The following SGO2 variants were observed in gnomAD, a reference collection of about 807,000 sequenced individuals.
SGO2 encodes the protein shugoshin-like 2.
SGO2 carries 68 observed loss-of-function variants against 99.5 expected under a neutral mutation model. The ratio of observed to expected loss-of-function variants is 0.68; its 90% CI spans 0.56 to 0.84. SGO2 has a LOEUF of 0.84. Among genes scored for constraint, SGO2 ranks in the 40% least tolerant of loss-of-function variants. SGO2 has a pLI of 0.00. For missense variants in SGO2, 1,350 were observed against 1,436.7 expected (o/e 0.94, Z 0.97); for synonymous variants, 457 against 487.1 (o/e 0.94, Z 0.81).
chr2:200,543,426 C>A (rs780860267), intron 5 of SGO2: 2 of 152,200 alleles, frequency 1.3e-5, no homozygotes, highest in Non-Finnish European at 2.9e-5. Context: ...TGTCATCTTA[C>A]AAGTCAGTCA....
chr2:200,565,512 A>C (rs954561376), intron 5 of SGO2, among the ~76,000 whole-genome samples: 5 of 151,936 alleles, frequency 3.3e-5, no homozygotes, highest in African/African-American at 1.2e-4. Flanking sequence ...CTTCATTTCA[A>C]CTTTGGTGAA....
At chr2:200,536,394 A>T (rs2031691809) in intron 4 of SGO2, among the ~76,000 whole-genome samples, 2 of 152,160 alleles carry the variant, frequency 1.3e-5, no homozygotes, top group Non-Finnish European at 2.9e-5. Flanking sequence ...TGGCTCCTAA[A>T]TGGACTCAGA....
At position 200,572,374 on chromosome 2, in the gene SGO2, T is replaced by G. The variant is rs2033463527; in HGVS notation, c.2028T>G (p.Asp676Glu). The part of the protein sequence containing the change: ...ELQIPALSTR[D>E]NENQCDYRTQ... Reference sequence around the variant, plus strand: ...AAATCCCAGCTCTTTCTACTAGAGATAATGAAAATCAATGTGACTATAGGA... The same window carrying G: ...AAATCCCAGCTCTTTCTACTAGAGAGAATGAAAATCAATGTGACTATAGGA... The change falls in exon 7 of 9, where the codon GAT (aspartate) becomes GAG (glutamate). Residue 676 changes from aspartate to glutamate, a missense_variant. Asp to Glu is a conservative substitution (Grantham distance 45, BLOSUM62 2). Coordinates refer to ENST00000357799, the MANE Select transcript of SGO2 (RefSeq NM_152524.6). 1.2e-6 allele frequency: 2 copies of G among 1,613,160 alleles called. No individual in the cohort carries two copies. The highest frequency in any genetic ancestry group is 8.5e-7 in the Non-Finnish European group (1 of 1,179,578).
intron 5 of SGO2, among the ~76,000 whole-genome samples, chr2:200,564,567 T>C (rs965075649): frequency 6.6e-6 from 1 of 152,234 alleles, no homozygotes; most frequent in East Asian, 1.9e-4. Context: ...TCTGTAGATG[T>C]CTATTAGGTC....
chr2:200,529,110 G>T (rs879614658), intron 1 of SGO2, among the ~76,000 whole-genome samples: 1 of 152,220 alleles, frequency 6.6e-6, no homozygotes, highest in African/African-American at 2.4e-5. Context: ...GAGACATCAA[G>T]TATAGACAAC....
At chr2:200,536,507 T>C (rs982848374) in intron 4 of SGO2, among the ~76,000 whole-genome samples, 1 of 152,038 alleles carries the variant, frequency 6.6e-6, no homozygotes, top group Non-Finnish European at 1.5e-5. Context: ...ATTGAAAAAC[T>C]GGGGAAAAAA....
intron 4 of SGO2, among the ~76,000 whole-genome samples, chr2:200,539,278 A>G (rs555948734): frequency 6.6e-6 from 1 of 152,184 alleles, no homozygotes; most frequent in Non-Finnish European, 1.5e-5. Context: ...TGTTTCATCT[A>G]AGTTTTTAAA....
intron 5 of SGO2, among the ~76,000 whole-genome samples, chr2:200,566,024 C>T (rs899178937): frequency 2.0e-5 from 3 of 152,176 alleles, no homozygotes; most frequent in Non-Finnish European, 1.5e-5. Flanking sequence ...TCCTTTAGCT[C>T]GGAGAAGTTT....
intron 5 of SGO2, among the ~76,000 whole-genome samples, chr2:200,553,974 A>G (rs2032599903): frequency 6.6e-6 from 1 of 152,162 alleles, no homozygotes; most frequent in Non-Finnish European, 1.5e-5. Context: ...CTCTAAGTCT[A>G]ATTTGATTGC....
intron 5 of SGO2, among the ~76,000 whole-genome samples, chr2:200,563,958 T>C (rs924524194): frequency 2.6e-5 from 4 of 152,210 alleles, no homozygotes; most frequent in African/African-American, 9.6e-5. Flanking sequence ...TTTTCTTCTT[T>C]ATTAGTCTTG....
chr2:200,562,717 C>T (rs2033022879), intron 5 of SGO2, among the ~76,000 whole-genome samples: 1 of 151,992 alleles, frequency 6.6e-6, no homozygotes. Context: ...TTTGTTTGTG[C>T]CCTCTTTTAT....
intron 5 of SGO2, among the ~76,000 whole-genome samples, chr2:200,552,141 C>G (rs2032515343): frequency 6.6e-6 from 1 of 152,088 alleles, no homozygotes; most frequent in Non-Finnish European, 1.5e-5. Flanking sequence ...AATATATATT[C>G]TCTCCATGTT....
chr2:200,535,616 C>G (rs1008812889), intron 3 of SGO2, among the ~76,000 whole-genome samples: 1 of 152,038 alleles, frequency 6.6e-6, no homozygotes, highest in Non-Finnish European at 1.5e-5. Flanking sequence ...TGTTCACAGA[C>G]AGGACAGTGA....
intron 8 of SGO2, among the ~76,000 whole-genome samples, chr2:200,582,942 A>C (rs1434788377): frequency 6.6e-6 from 1 of 152,192 alleles, no homozygotes; most frequent in Non-Finnish European, 1.5e-5. Context: ...AAACCAAACA[A>C]TATACTTTGT....
rs1185347831 is a variant in SGO2, at chr2:200,573,050, AAAAT to A, written c.2711_2714del (p.Asn904SerfsTer6). 1.3e-6 allele frequency: 2 copies of A among 1,567,516 alleles called. No individual in the cohort carries two copies. Among genetic ancestry groups the A allele is most frequent in the East Asian group, 2.2e-5 (1 of 44,454 alleles). On this transcript the variant is annotated frameshift_variant, in exon 7 of 9. Transcript: ENST00000357799. LOFTEE classifies it high-confidence loss of function. ...GAAATCTGCTGAGCAAAATGAATCA[AAAAT>A]AAATAAGCTCAGGAATAAAGTGAAT...
rs1207260033 is a variant in SGO2, at chr2:200,573,466, A to G, written c.3120A>G (p.Leu1040=). 3.7e-6 allele frequency: 6 copies of G among 1,612,258 alleles called. No individual in the cohort carries two copies. Among genetic ancestry groups the G allele is most frequent in the South Asian group, 3.3e-5 (3 of 90,708 alleles). ...CTGATCCAGGAAACCCAGTTGAACTATGTAAGACTCAGAAGCAAAGCACTA... is the reference window on the plus strand; with the variant it reads ...CTGATCCAGGAAACCCAGTTGAACTGTGTAAGACTCAGAAGCAAAGCACTA... ...ADSDPGNPVE[L]CKTQKQSTTT... The change falls in exon 7 of 9, where the codon CTA becomes CTG. Residue 1040 remains leucine (L), a synonymous_variant. Transcript: ENST00000357799.
chr2:200,575,318 AC>A lies in SGO2; in HGVS notation c.3641del (p.Pro1214HisfsTer50). On this transcript the variant is annotated frameshift_variant, in exon 8 of 9. Transcript: ENST00000357799. LOFTEE classifies it high-confidence loss of function. ...AATAATATTCTTTTTCAGGTGATAG[AC>A]CATTACAGGACTTGTCAAATACCAG... Reference protein sequence around the residue: ...RTQKSGIGDRPLQDLSNTSFV... With the variant: ...RTQKSGIGDRXLQDLSNTSFV... 1.9e-6 allele frequency: 3 copies of A among 1,567,142 alleles called. No homozygotes were observed. Among genetic ancestry groups the A allele is most frequent in the Non-Finnish European group, 2.6e-6 (3 of 1,153,006 alleles).
intron 5 of SGO2, among the ~76,000 whole-genome samples, chr2:200,544,101 A>G (rs1247616797): frequency 6.6e-6 from 1 of 152,228 alleles, no homozygotes; most frequent in East Asian, 1.9e-4. Flanking sequence ...ATATAATGAA[A>G]TTATACAGTA....
rs117267701 is a variant in SGO2 at position 200,572,612 on chromosome 2, G to A, written c.2266G>A (p.Gly756Arg). The A allele has an allele frequency of 2.5e-4, 411 of 1,612,984 alleles. 1 individual carries two copies. The East Asian group carries it at 8.2e-3, about 32-fold the overall frequency. ...GCAAAAAGATAAGGAAATCATCCCT[G>A]GAAACCTAGAAGACCCAAGTGAGTT... ...LTQKDKEIIP[G>R]NLEDPSEFET... Residue 756 changes from glycine to arginine, a missense_variant, in exon 7 of 9, where the codon GGA (glycine) becomes AGA (arginine). Gly to Arg is a moderately radical substitution (Grantham distance 125, BLOSUM62 -2). Coordinates refer to ENST00000357799, the MANE Select transcript of SGO2 (RefSeq NM_152524.6).
Sources: allele counts gnomAD v4.1 joint callset (sites outside exome capture counted in the v4.1 genomes callset), GRCh38; gene constraint gnomAD v4.1.1; transcripts MANE v1.5; gene names NCBI Gene and HGNC (gene_info 2026-07-23, HGNC 2026-07-21).